Variants in ANKRD44 observed in about 807,000 individuals in gnomAD.
ANKRD44 encodes the protein ankyrin repeat domain 44, also known as serine/threonine-protein phosphatase 6 regulatory ankyrin repeat subunit B.
ANKRD44 carries 35 observed loss-of-function variants against 116.0 expected under a neutral mutation model. The ratio of observed to expected loss-of-function variants is 0.30; its 90% CI spans 0.23 to 0.40. ANKRD44 has a LOEUF of 0.40. Among genes scored for constraint, ANKRD44 ranks in the 10% least tolerant of loss-of-function variants. The pLI, the probability that ANKRD44 is intolerant of heterozygous loss-of-function variation, is 1.00. For missense variants in ANKRD44, 1,014 were observed against 1,242.6 expected (o/e 0.82, Z 2.77); for synonymous variants, 435 against 461.8 (o/e 0.94, Z 0.74).
chr2:197,025,863 A>G (rs2076581729), intron 16 of ANKRD44, among the ~76,000 whole-genome samples: 1 of 152,202 alleles, frequency 6.6e-6, no homozygotes, highest in African/African-American at 2.4e-5. Flanking sequence ...AGTCAATGAT[A>G]TGCATCAAGA....
At chr2:197,250,706 G>A (rs1194021092) in intron 1 of ANKRD44, among the ~76,000 whole-genome samples, 1 of 152,142 alleles carries the variant, frequency 6.6e-6, no homozygotes, top group Admixed American at 6.5e-5. Flanking sequence ...TCTCAGATGA[G>A]GAAACTGAGG....
chr2:197,176,386 T>C (rs922930404), intron 2 of ANKRD44, among the ~76,000 whole-genome samples: 1 of 152,146 alleles, frequency 6.6e-6, no homozygotes, highest in East Asian at 1.9e-4. Flanking sequence ...CCACACCTTA[T>C]AAAGTTTATT....
intron 16 of ANKRD44, among the ~76,000 whole-genome samples, chr2:197,036,070 C>T (rs1412331917): frequency 6.6e-6 from 1 of 152,160 alleles, no homozygotes; most frequent in Non-Finnish European, 1.5e-5. Flanking sequence ...ATTCCACTCA[C>T]ATCCTTCACA....
chr2:197,229,636 A>G (rs1000735700), intron 1 of ANKRD44, among the ~76,000 whole-genome samples: 3 of 152,222 alleles, frequency 2.0e-5, no homozygotes, highest in African/African-American at 7.2e-5. Flanking sequence ...TGTGCCAGGC[A>G]CTTCCCTAAA....
chr2:197,007,500 T>C (rs2076221773), intron 20 of ANKRD44, among the ~76,000 whole-genome samples: 2 of 152,244 alleles, frequency 1.3e-5, no homozygotes, highest in South Asian at 4.1e-4. Flanking sequence ...AAATTTTCTA[T>C]GATATACTTG....
chr2:196,984,848 G>A (rs116608032), downstream of ANKRD44, among the ~76,000 whole-genome samples: 2 of 152,326 alleles, frequency 1.3e-5, no homozygotes, highest in African/African-American at 2.4e-5. Context: ...CCAGGGTGGC[G>A]AGTAGCTTCC....
At chr2:197,123,918 T>G (rs979418899) in intron 6 of ANKRD44, among the ~76,000 whole-genome samples, 1 of 152,228 alleles carries the variant, frequency 6.6e-6, no homozygotes, top group Admixed American at 6.5e-5. Context: ...TGCCTATTAT[T>G]CCTATTTGTA....
intron 1 of ANKRD44, among the ~76,000 whole-genome samples, chr2:197,304,135 A>T (rs1445905391): frequency 6.6e-6 from 1 of 152,014 alleles, no homozygotes; most frequent in East Asian, 1.9e-4. Context: ...GTGAAACCTC[A>T]TCTCTACTAA....
chr2:197,083,496 A>G lies in ANKRD44; in HGVS notation c.1330T>C (p.Tyr444His). The G allele has an allele frequency of 6.2e-7, 1 of 1,611,844 alleles. No homozygotes were observed. The highest frequency in any genetic ancestry group is 8.5e-7 in the Non-Finnish European group (1 of 1,178,826). The change falls in exon 14 of 28, where the codon TAT becomes CAT. Residue 444 changes from tyrosine (Y) to histidine (H), a missense_variant. Physicochemically the swap from Tyr to His is moderately conservative, Grantham distance 83 (BLOSUM62 2). Transcript: ENST00000282272. Reference protein sequence around the residue: ...KDKCGRTPLHYAAANCHFHCI... With the variant: ...KDKCGRTPLHHAAANCHFHCI... ...TGGAAATGACAATTCGCAGCTGCATAGTGCAAAGGGGTCCTGAAAAACAAA... is the reference window on the plus strand; with the variant it reads ...TGGAAATGACAATTCGCAGCTGCATGGTGCAAAGGGGTCCTGAAAAACAAA...
intron 1 of ANKRD44, among the ~76,000 whole-genome samples, chr2:197,197,319 A>C (rs1224687874): frequency 6.6e-6 from 1 of 151,374 alleles, no homozygotes; most frequent in South Asian, 2.1e-4. Context: ...GAAATTCTGC[A>C]AAAAAAAAGA....
intron 1 of ANKRD44, among the ~76,000 whole-genome samples, chr2:197,304,620 CAACCTCT>C (rs2084015725): frequency 6.6e-6 from 1 of 152,192 alleles, no homozygotes. Context: ...GCATCCAGTC[CAACCTCT>C]TCATTTTACA....
In ANKRD44 at chr2:197,306,462, A is replaced by C. The variant is rs1202631838; in HGVS notation, c.27+4116T>G. 3.3e-5 allele frequency among the ~76,000 whole-genome samples: 5 copies of C among 152,268 alleles called. No individual in the cohort carries two copies. The South Asian group carries it at 6.2e-4, about 19-fold the overall frequency. ...AAGGCCCAGTATACAATAAGAGCAC[A>C]ATAAATGTGTGACATTATTAGGTCT... On this transcript the variant is annotated intron_variant, in intron 1 of 27. Coordinates refer to ENST00000282272, the MANE Select transcript of ANKRD44 (RefSeq NM_001195144.2).
chr2:197,100,310 CTGT>C (rs2078261785), intron 9 of ANKRD44, among the ~76,000 whole-genome samples: 3 of 152,178 alleles, frequency 2.0e-5, no homozygotes, highest in Admixed American at 6.5e-5. Flanking sequence ...TGGTGCATGC[CTGT>C]AATCCCAGCT....
At chr2:197,269,550 G>T (rs1373364441) in intron 1 of ANKRD44, among the ~76,000 whole-genome samples, 1 of 152,178 alleles carries the variant, frequency 6.6e-6, no homozygotes, top group Non-Finnish European at 1.5e-5. Context: ...AAGGAAAAGA[G>T]GGGGCAGGGG....
intron 1 of ANKRD44, among the ~76,000 whole-genome samples, chr2:197,280,751 T>C (rs1177804867): frequency 1.3e-5 from 2 of 152,158 alleles, no homozygotes; most frequent in Admixed American, 6.5e-5. Context: ...CTACCCACAG[T>C]GGTCAATTAC....
At chr2:197,029,637 C>G (rs182031726) in intron 16 of ANKRD44, 2 of 355,150 alleles carry the variant, frequency 5.6e-6, no homozygotes, top group Admixed American at 7.4e-5. Context: ...TTCTGAAGGC[C>G]TTCATGGTAC....
intron 21 of ANKRD44, among the ~76,000 whole-genome samples, chr2:196,978,674 G>A (rs1036328866): frequency 6.6e-6 from 1 of 152,112 alleles, no homozygotes; most frequent in Non-Finnish European, 1.5e-5. Flanking sequence ...AATATATTCT[G>A]AAATTAGATA....
Position 197,108,586 on chromosome 2 carries a change from C to T in ANKRD44, c.985+2180G>A, listed in dbSNP as rs1420625958. ...GGGCACGGTGGCTCACACCTGTTAGCCCAGCATTTTGGGAGGCCAAGGTGG... is the reference window on the plus strand; with the variant it reads ...GGGCACGGTGGCTCACACCTGTTAGTCCAGCATTTTGGGAGGCCAAGGTGG... On this transcript the variant is annotated intron_variant, in intron 9 of 27. Transcript: ENST00000282272. 2.6e-5 allele frequency among the ~76,000 whole-genome samples: 4 copies of T among 152,130 alleles called. No homozygotes were observed. The East Asian group carries it at 7.7e-4, about 29-fold the overall frequency.
At chr2:197,088,969 C>A (rs1334385947) in intron 11 of ANKRD44, 195 bp from the exon 12 acceptor site, 1 of 447,952 alleles carries the variant, frequency 2.2e-6, no homozygotes, top group Non-Finnish European at 3.9e-6. Context: ...TAGGAAGAAC[C>A]GTGAAGTCAA....
Sources: gnomAD v4.1 joint callset for allele counts (sites outside exome capture counted in the v4.1 genomes callset) on GRCh38, gnomAD v4.1.1 for gene constraint, MANE v1.5 for transcripts, NCBI Gene and HGNC (gene_info 2026-07-23, HGNC 2026-07-21) for gene names.